Variants in DAB2IP observed in about 807,000 individuals in gnomAD.
DAB2IP encodes DAB2 interacting protein.
In DAB2IP, 28 loss-of-function variants were observed where a neutral mutation model predicts 107.2. The ratio of observed to expected loss-of-function variants is 0.26; its 90% confidence interval spans 0.19 to 0.36. DAB2IP has a LOEUF of 0.36. Ranked by LOEUF, DAB2IP falls within the 10% of genes least tolerant of loss-of-function variation. The pLI, the probability that DAB2IP is intolerant of heterozygous loss-of-function variation, is 1.00. For synonymous variants in DAB2IP, 755 were observed against 706.4 expected, an observed-to-expected ratio of 1.07 and a Z score of -1.09; for missense variants, 1,400 against 1,644.7, an observed-to-expected ratio of 0.85 and a Z score of 2.57.
intron 1 of DAB2IP, among the ~76,000 whole-genome samples, chr9:121,586,566 C>A (rs1401325034): frequency 2.6e-5 from 4 of 152,118 alleles, no homozygotes; most frequent in African/African-American, 7.2e-5. Context: ...TTGCAGTGGC[C>A]TGGCACCTTG....
At chr9:121,651,297 G>T (rs1453553286), upstream of DAB2IP, among the ~76,000 whole-genome samples, 1 of 152,204 alleles carries the variant, frequency 6.6e-6, no homozygotes, top group Non-Finnish European at 1.5e-5. This position sits in a 1 kb window ranked among gnomAD's most constrained non-coding sequence, Gnocchi z 5.1. Flanking sequence ...CTAATTGAAG[G>T]TGACCGTCCC....
chr9:121,705,624 C>T (rs1490617371), intron 3 of DAB2IP, among the ~76,000 whole-genome samples: 2 of 152,194 alleles, frequency 1.3e-5, no homozygotes, highest in African/African-American at 2.4e-5. Flanking sequence ...TGCATGTGTG[C>T]ACTTTCTGTC....
intron 2 of DAB2IP, among the ~76,000 whole-genome samples, chr9:121,686,643 C>T (rs1439665705): frequency 6.6e-6 from 1 of 152,198 alleles, no homozygotes; most frequent in African/African-American, 2.4e-5. Context: ...GGATTAGAAT[C>T]TTGGCCACTG....
At chr9:121,604,713 C>A (rs889750880) in intron 1 of DAB2IP, among the ~76,000 whole-genome samples, 8 of 152,224 alleles carry the variant, frequency 5.3e-5, no homozygotes, top group Admixed American at 2.0e-4. Flanking sequence ...CTCTTTCTTA[C>A]TAACTGCCCT....
At chr9:121,667,318 A>T (rs1174028048) in intron 1 of DAB2IP, among the ~76,000 whole-genome samples, 7 of 152,054 alleles carry the variant, frequency 4.6e-5, no homozygotes. Flanking sequence ...GGCGTGAGCC[A>T]CCACGCCTGG....
At chr9:121,766,180 G>GTTAA (rs1834262813) in intron 8 of DAB2IP, among the ~76,000 whole-genome samples, 1 of 152,220 alleles carries the variant, frequency 6.6e-6, no homozygotes, top group Admixed American at 6.5e-5. Flanking sequence ...GCCCTTGGCA[G>GTTAA]TTAATTCCGG....
At chr9:121,770,817 C>A in intron 11 of DAB2IP, 93 bp downstream of exon 11, 1 of 1,485,178 alleles carries the variant, frequency 6.7e-7, no homozygotes, top group Non-Finnish European at 9.1e-7. Context: ...AGGATGCCTA[C>A]ATAGTGTTTA....
chr9:121,691,925 C>G (rs1829185287), intron 2 of DAB2IP, among the ~76,000 whole-genome samples: 2 of 152,212 alleles, frequency 1.3e-5, no homozygotes, highest in Non-Finnish European at 2.9e-5. Flanking sequence ...CTCCAAAAGT[C>G]ACAGGTTCTG....
rs1396851729 is a variant in DAB2IP, at chr9:121,702,385, G to A, written c.362+2927G>A. Among the ~76,000 whole-genome samples the A allele has an allele frequency of 6.6e-6, 1 of 152,118 alleles. No individual in the cohort carries two copies. The highest frequency in any genetic ancestry group is 1.5e-5 in the Non-Finnish European group (1 of 68,012). ...GGTCAGGCCAGGCAGTGCTTGGTTG[G>A]CACAGCTGGGCTCTGGGGGCTGGGG... On this transcript the variant is annotated intron_variant, in intron 3 of 15. Transcript: ENST00000408936. The surrounding 1 kb of genome is among the most constrained non-coding windows in gnomAD (Gnocchi z 4.5).
chr9:121,637,020 G>A (rs1317278054), intron 1 of DAB2IP, among the ~76,000 whole-genome samples: 2 of 152,122 alleles, frequency 1.3e-5, no homozygotes, highest in African/African-American at 2.4e-5. Context: ...TTTTCCTTCT[G>A]GACACTTTGT....
Position 121,662,948 on chromosome 9 carries a change from A to G in DAB2IP, c.124+11049A>G, listed in dbSNP as rs1833267181. ...TCGTGGGAAGAAAACTCCAGAAGAA[A>G]AAATGGGGAAAGTGACACTGCCGAC... On this transcript the variant is annotated intron_variant, in intron 1 of 15. Transcript: ENST00000408936. The surrounding 1 kb of genome is among the most constrained non-coding windows in gnomAD (Gnocchi z 4.6). Among the ~76,000 whole-genome samples the G allele has an allele frequency of 6.6e-6, 1 of 152,222 alleles. No homozygotes were observed. Among genetic ancestry groups the G allele is most frequent in the South Asian group, 2.1e-4 (1 of 4,826 alleles).
At position 121,763,489 on chromosome 9, in the gene DAB2IP, C is replaced by T. The variant is rs753446668; in HGVS notation, c.1171-16C>T. On this transcript the variant is annotated splice_polypyrimidine_tract_variant and intron_variant, in intron 6 of 15. Transcript: ENST00000408936. ...GCCAGCTCAGGTCCTGCTCTCTCCACCTCCTGCCTCCCCAGGACTTCCTGA... is the reference window on the plus strand; with the variant it reads ...GCCAGCTCAGGTCCTGCTCTCTCCATCTCCTGCCTCCCCAGGACTTCCTGA... 6.2e-7 allele frequency: 1 copy of T among 1,606,106 alleles called. No homozygotes were observed. Among genetic ancestry groups the T allele is most frequent in the South Asian group, 1.1e-5 (1 of 89,270 alleles).
At chr9:121,744,164 G>C (rs751438709) in intron 3 of DAB2IP, among the ~76,000 whole-genome samples, 53 of 152,282 alleles carry the variant, frequency 3.5e-4, no homozygotes, top group Non-Finnish European at 5.7e-4. Flanking sequence ...ACTGGGGTTT[G>C]GGGGCCATGG....
At position 121,698,476 on chromosome 9, in the gene DAB2IP, G is replaced by A. The variant is rs1829542927; in HGVS notation, c.229-849G>A. On this transcript the variant is annotated intron_variant, in intron 2 of 15. Coordinates refer to ENST00000408936, the Ensembl canonical transcript of DAB2IP. This position sits in a 1 kb window ranked among gnomAD's most constrained non-coding sequence, Gnocchi z 4.1. ...GCTCTGTTTTCAGTCAGTGCAACCT[G>A]TTAGGTGGATAAATGGCGTGAATAA... Among the ~76,000 whole-genome samples, 1 of 152,222 alleles carries A rather than the reference G, an allele frequency of 6.6e-6. No homozygotes were observed. Among genetic ancestry groups the A allele is most frequent in the Non-Finnish European group, 1.5e-5 (1 of 68,046 alleles).
intron 3 of DAB2IP, among the ~76,000 whole-genome samples, chr9:121,700,157 G>C (rs190965833): frequency 6.6e-6 from 1 of 152,320 alleles, no homozygotes; most frequent in Admixed American, 6.5e-5. Context: ...CCTGCTTTCT[G>C]TTTCCTTCTC....
At chr9:121,626,674 T>G (rs1831660031) in intron 1 of DAB2IP, among the ~76,000 whole-genome samples, 1 of 152,038 alleles carries the variant, frequency 6.6e-6, no homozygotes, top group Admixed American at 6.6e-5. Flanking sequence ...TCCGCCTGCC[T>G]CAGCCTCCCA....
At chr9:121,764,305 A>C (rs752923158) in intron 8 of DAB2IP, among the ~76,000 whole-genome samples, 2 of 152,164 alleles carry the variant, frequency 1.3e-5, no homozygotes, top group African/African-American at 4.8e-5. Context: ...GGGCCTGAGC[A>C]CCAGGCAGGC....
intron 3 of DAB2IP, among the ~76,000 whole-genome samples, chr9:121,746,674 A>C (rs774114392): frequency 6.6e-6 from 1 of 152,224 alleles, no homozygotes; most frequent in Non-Finnish European, 1.5e-5. Context: ...GGGGCCCAGC[A>C]TGAGCTAAGG....
chr9:121,682,084 G>C (rs1828629440), intron 2 of DAB2IP, among the ~76,000 whole-genome samples: 1 of 152,234 alleles, frequency 6.6e-6, no homozygotes. Context: ...TGGTGAGCCT[G>C]GCCTGGGCCT....
Sources: allele counts gnomAD v4.1 joint callset (sites outside exome capture counted in the v4.1 genomes callset), GRCh38; gene constraint gnomAD v4.1.1; non-coding constraint Gnocchi (gnomAD v3.1); transcripts MANE v1.5; gene names NCBI Gene and HGNC (gene_info 2026-07-23, HGNC 2026-07-21).